SLC41A3: variants seen among roughly 807,000 people sequenced by gnomAD.
The protein encoded by SLC41A3 is solute carrier family 41 member 3.
SLC41A3 carries 44 observed loss-of-function variants against 45.4 expected under a neutral mutation model. That is an observed-to-expected ratio of 0.97 (90% confidence interval 0.76 to 1.25). The LOEUF (loss-of-function observed/expected upper bound fraction) is 1.25. Among genes scored for constraint, SLC41A3 ranks in the 50% most tolerant of loss-of-function variants. The pLI is 0.00. For synonymous variants in SLC41A3, 256 were observed against 252.4 expected (o/e 1.01, Z -0.13); for missense variants, 550 against 600.6 (o/e 0.92, Z 0.88).
intron 1 of SLC41A3, among the ~76,000 whole-genome samples, chr3:126,069,442 G>C (rs1242707846): frequency 9.2e-5 from 14 of 152,146 alleles, no homozygotes; most frequent in Non-Finnish European, 2.1e-4. Context: ...ACAGAGAATG[G>C]AGGATGTTTG....
At chr3:126,096,098 C>A (rs946509374) in intron 1 of SLC41A3, among the ~76,000 whole-genome samples, 1 of 152,122 alleles carries the variant, frequency 6.6e-6, no homozygotes, top group Non-Finnish European at 1.5e-5. Context: ...ATTAAAAAAA[C>A]AAATATTTAA....
chr3:126,064,416 T>C (rs28570641), intron 2 of SLC41A3, among the ~76,000 whole-genome samples: 7,987 of 152,158 alleles, frequency 0.052, 686 homozygotes, highest in African/African-American at 0.18. Flanking sequence ...CATCCCCTGC[T>C]GACTCACTCT....
At chr3:126,100,489 C>T (rs1945687267) in intron 1 of SLC41A3, among the ~76,000 whole-genome samples, 1 of 152,216 alleles carries the variant, frequency 6.6e-6, no homozygotes, top group Non-Finnish European at 1.5e-5. Context: ...ACACTCCCTG[C>T]CCTGGTGAGC....
At chr3:126,030,017 G>A (rs1941674909) in intron 4 of SLC41A3, among the ~76,000 whole-genome samples, 1 of 145,394 alleles carries the variant, frequency 6.9e-6, no homozygotes, top group Admixed American at 7.1e-5. Flanking sequence ...GAAAAATATG[G>A]GTCCCTACTT....
At chr3:126,083,261 C>T (rs1945253385) in intron 1 of SLC41A3, among the ~76,000 whole-genome samples, 1 of 152,110 alleles carries the variant, frequency 6.6e-6, no homozygotes, top group Admixed American at 6.5e-5. Flanking sequence ...GGCTGGGGAA[C>T]CCGCATTTCT....
At chr3:126,012,804 T>C in intron 8 of SLC41A3, 55 bp from the exon 9 acceptor site, 2 of 1,598,140 alleles carry the variant, frequency 1.3e-6, no homozygotes, top group Non-Finnish European at 1.7e-6. Flanking sequence ...CTCTAAGTTG[T>C]ATCCCTTATT....
At chr3:126,095,712 G>C (rs764084368) in intron 1 of SLC41A3, among the ~76,000 whole-genome samples, 2 of 152,184 alleles carry the variant, frequency 1.3e-5, no homozygotes, top group Non-Finnish European at 2.9e-5. Flanking sequence ...GAACGTACTT[G>C]TTTAGGAAGA....
intron 4 of SLC41A3, among the ~76,000 whole-genome samples, chr3:126,027,248 G>A (rs1028917160): frequency 4.2e-5 from 6 of 142,998 alleles, no homozygotes; most frequent in South Asian, 2.3e-4. Flanking sequence ...TAACATCACC[G>A]CCACCCCCAC....
chr3:126,044,922 A>AAAAAAAAAAAAAAC, intron 3 of SLC41A3, among the ~76,000 whole-genome samples: 1 of 142,058 alleles, frequency 7.0e-6, no homozygotes, highest in African/African-American at 2.6e-5. Context: ...AAAAAAAAAA[A>AAAAAAAAAAAAAAC]AATCATACAG....
chr3:126,092,077 G>A (rs1243227226), intron 1 of SLC41A3, among the ~76,000 whole-genome samples: 1 of 152,200 alleles, frequency 6.6e-6, no homozygotes, highest in Non-Finnish European at 1.5e-5. Context: ...GTTACTGGCA[G>A]CAAATTTATA....
Position 126,047,600 on chromosome 3 carries a change from A to G in SLC41A3, c.381+3343T>C, listed in dbSNP as rs540936351. Among the ~76,000 whole-genome samples the G allele has an allele frequency of 4.6e-5, 7 of 152,324 alleles. No homozygotes were observed. The South Asian group carries it at 1.2e-3, about 27-fold the overall frequency. ...AAATATCCTGGAAATAAACCCTTAAATATATGGTCAAATGACAAGGGTGCC... is the reference window on the plus strand; with the variant it reads ...AAATATCCTGGAAATAAACCCTTAAGTATATGGTCAAATGACAAGGGTGCC... On this transcript the variant is annotated intron_variant, in intron 3 of 10. Transcript: ENST00000360370.
chr3:126,017,333 G>A (rs185601983), intron 6 of SLC41A3, among the ~76,000 whole-genome samples: 173 of 152,312 alleles, frequency 1.1e-3, no homozygotes, highest in African/African-American at 3.2e-3. Flanking sequence ...AAGCAGCCCC[G>A]TCAGGGCTAT....
At chr3:126,071,618 C>T (rs1431505517) in intron 1 of SLC41A3, among the ~76,000 whole-genome samples, 1 of 152,154 alleles carries the variant, frequency 6.6e-6, no homozygotes, top group Non-Finnish European at 1.5e-5. Context: ...GCACATGGAA[C>T]ATTTTGCAGG....
At chr3:126,070,340 A>C (rs959923441) in intron 1 of SLC41A3, 1 of 152,230 alleles carries the variant, frequency 6.6e-6, no homozygotes, top group Non-Finnish European at 1.5e-5. Flanking sequence ...AGATCCTCAT[A>C]GGAGCTCAAA....
At chr3:126,050,877 G>T in intron 3 of SLC41A3, 66 bp downstream of exon 3, 1 of 1,538,994 alleles carries the variant, frequency 6.5e-7, no homozygotes, top group South Asian at 1.2e-5. Flanking sequence ...AGCCAGGGGA[G>T]ACCAGGTGGT....
At chr3:126,059,478 C>T (rs1943942895) in intron 2 of SLC41A3, among the ~76,000 whole-genome samples, 1 of 152,108 alleles carries the variant, frequency 6.6e-6, no homozygotes, top group Non-Finnish European at 1.5e-5. Flanking sequence ...TTGTGCAGCA[C>T]TCTGTATTTC....
upstream of SLC41A3, among the ~76,000 whole-genome samples, chr3:126,084,682 C>T (rs1189280468): frequency 6.6e-6 from 1 of 152,110 alleles, no homozygotes; most frequent in African/African-American, 2.4e-5. Context: ...ACGGTCACAC[C>T]TAACGAAATT....
chr3:126,009,576 C>T (rs942991160), intron 9 of SLC41A3, among the ~76,000 whole-genome samples: 6 of 152,162 alleles, frequency 3.9e-5, no homozygotes, highest in African/African-American at 1.2e-4. Context: ...TGGAAATAGA[C>T]TTCTAATGAA....
chr3:126,012,615 C>T lies in SLC41A3; in HGVS notation c.1105G>A (p.Glu369Lys). The T allele has an allele frequency of 2.5e-6, 4 of 1,614,128 alleles. No homozygotes were observed. Among genetic ancestry groups the T allele is most frequent in the Non-Finnish European group, 3.4e-6 (4 of 1,179,998 alleles). The change falls in exon 9 of 11, where the codon GAA (glutamate) becomes AAA (lysine). Residue 369 changes from glutamate to lysine, a missense_variant and splice_region_variant. Glu to Lys is a moderately conservative substitution (Grantham distance 56, BLOSUM62 1). Transcript: ENST00000360370. Reference sequence around the variant, plus strand: ...GGCCTCTGAAAGACATGACACCCACCTGACGTGCAGAAAGTAGAACACGGG... The same window carrying T: ...GGCCTCTGAAAGACATGACACCCACTTGACGTGCAGAAAGTAGAACACGGG... ...PNPCSTFCTS[E>K]INSMSARVLL...
Sources: gnomAD v4.1 joint callset for allele counts (sites outside exome capture counted in the v4.1 genomes callset) on GRCh38, gnomAD v4.1.1 for gene constraint, MANE v1.5 for transcripts, NCBI Gene and HGNC (gene_info 2026-07-23, HGNC 2026-07-21) for gene names.